Variants in FHIT observed in about 807,000 individuals in gnomAD.
The protein encoded by FHIT is fragile histidine triad diadenosine triphosphatase, also known as bis(5'-adenosyl)-triphosphatase.
In FHIT, 19 loss-of-function variants were observed where a neutral mutation model predicts 17.9. The ratio of observed to expected loss-of-function variants is 1.06; its 90% CI spans 0.74 to 1.56. The LOEUF (loss-of-function observed/expected upper bound fraction) is 1.56, where lower values mean the gene tolerates loss of function less well. FHIT is among the 40% of genes most tolerant of loss of function. FHIT has a pLI of 0.00. For missense variants in FHIT, 248 were observed against 189.2 expected (o/e 1.31, Z -1.82); for synonymous variants, 81 against 69.7 (o/e 1.16, Z -0.81).
intron 7 of FHIT, among the ~76,000 whole-genome samples, chr3:60,002,255 T>C (rs1424623664): frequency 6.6e-6 from 1 of 152,166 alleles, no homozygotes; most frequent in Non-Finnish European, 1.5e-5. Flanking sequence ...TTATGTTGAA[T>C]AAGCCTAGAA....
chr3:60,744,246 T>TAA (rs368982395), intron 4 of FHIT, among the ~76,000 whole-genome samples: 6,753 of 27,990 alleles, frequency 0.24, 333 homozygotes, highest in Non-Finnish European at 0.28. Context: ...GGAAGTAATG[T>TAA]AAAAAAAAAA....
chr3:59,805,447 G>A (rs957082083), intron 8 of FHIT, among the ~76,000 whole-genome samples: 4 of 152,094 alleles, frequency 2.6e-5, no homozygotes, highest in East Asian at 1.9e-4. Context: ...TTGTCCTTGC[G>A]GCAGGTTAGA....
intron 5 of FHIT, among the ~76,000 whole-genome samples, chr3:60,224,407 T>C (rs1466487703): frequency 6.6e-6 from 1 of 152,198 alleles, no homozygotes; most frequent in Non-Finnish European, 1.5e-5. Context: ...GTGAAAAGAA[T>C]TCAAGAAGGG....
chr3:60,954,403 T>TA (rs1339891351), intron 3 of FHIT, among the ~76,000 whole-genome samples: 1 of 152,206 alleles, frequency 6.6e-6, no homozygotes, highest in Non-Finnish European at 1.5e-5. Flanking sequence ...GATGTTATCT[T>TA]AAAAATAATG....
At chr3:60,446,522 C>T (rs1287356969) in intron 5 of FHIT, among the ~76,000 whole-genome samples, 2 of 152,054 alleles carry the variant, frequency 1.3e-5, no homozygotes, top group Admixed American at 6.6e-5. Context: ...ACCTGTCATT[C>T]GTGGATGTGC....
intron 4 of FHIT, among the ~76,000 whole-genome samples, chr3:60,811,421 A>ATC (rs1701568364): frequency 6.6e-6 from 1 of 152,186 alleles, no homozygotes; most frequent in Non-Finnish European, 1.5e-5. Flanking sequence ...AAGAATATGA[A>ATC]ACTACTGTTT....
chr3:60,119,922 C>A (rs1041812853), intron 5 of FHIT, among the ~76,000 whole-genome samples: 2 of 152,138 alleles, frequency 1.3e-5, no homozygotes, highest in African/African-American at 4.8e-5. Context: ...CAAATACCAT[C>A]AAATGGCATT....
At chr3:60,849,824 C>G (rs1553747725) in intron 3 of FHIT, among the ~76,000 whole-genome samples, 1 of 151,908 alleles carries the variant, frequency 6.6e-6, no homozygotes, top group East Asian at 1.9e-4. Flanking sequence ...GGAGCAATTC[C>G]TAATGTAATT....
At chr3:60,634,853 C>T (rs1386487899) in intron 4 of FHIT, among the ~76,000 whole-genome samples, 1 of 152,156 alleles carries the variant, frequency 6.6e-6, no homozygotes, top group Admixed American at 6.5e-5. Context: ...CTTTTGCATT[C>T]CCATGTGGAA....
chr3:60,639,033 G>A (rs1012107801), intron 4 of FHIT, among the ~76,000 whole-genome samples: 10 of 146,042 alleles, frequency 6.8e-5, no homozygotes, highest in Non-Finnish European at 1.3e-4. Context: ...CTGTTCAAAA[G>A]CATCAGAGCA....
intron 3 of FHIT, among the ~76,000 whole-genome samples, chr3:60,994,522 T>C (rs984308337): frequency 1.3e-5 from 2 of 152,216 alleles, no homozygotes; most frequent in Non-Finnish European, 2.9e-5. Context: ...GAATTCTGCC[T>C]CTAACCTCAG....
At chr3:61,125,324 T>G (rs2036577031) in intron 2 of FHIT, among the ~76,000 whole-genome samples, 1 of 152,212 alleles carries the variant, frequency 6.6e-6, no homozygotes, top group African/African-American at 2.4e-5. Context: ...CTACCTTATG[T>G]TAGGCATATG....
At chr3:61,085,411 T>C (rs937438509) in intron 2 of FHIT, among the ~76,000 whole-genome samples, 2 of 152,168 alleles carry the variant, frequency 1.3e-5, no homozygotes, top group African/African-American at 4.8e-5. Flanking sequence ...AATTTGCATT[T>C]TCCTGGTGAT....
intron 5 of FHIT, among the ~76,000 whole-genome samples, chr3:60,532,480 G>A (rs1458436043): frequency 1.3e-5 from 2 of 152,154 alleles, no homozygotes; most frequent in Non-Finnish European, 2.9e-5. Context: ...AACAATAGCT[G>A]GGCTGCACTG....
intron 4 of FHIT, among the ~76,000 whole-genome samples, chr3:60,538,581 A>G (rs2036070795): frequency 6.6e-6 from 1 of 152,170 alleles, no homozygotes; most frequent in South Asian, 2.1e-4. Flanking sequence ...TGGTACTGGT[A>G]CCAAAACAGA....
At chr3:60,075,215 G>A (rs1367866898) in intron 5 of FHIT, among the ~76,000 whole-genome samples, 3 of 152,064 alleles carry the variant, frequency 2.0e-5, no homozygotes, top group Non-Finnish European at 4.4e-5. Context: ...TGCCTGTCAG[G>A]AGAACCAATG....
chr3:59,954,097 G>C (rs1341773249), intron 7 of FHIT, among the ~76,000 whole-genome samples: 9 of 152,142 alleles, frequency 5.9e-5, no homozygotes, highest in Non-Finnish European at 4.4e-5. Context: ...GAGAAGAGCA[G>C]GGAGAAAACC....
At chr3:60,839,210 A>C (rs1183604479) in intron 3 of FHIT, among the ~76,000 whole-genome samples, 3 of 152,154 alleles carry the variant, frequency 2.0e-5, no homozygotes, top group Non-Finnish European at 4.4e-5. Flanking sequence ...TTGCTACTAT[A>C]ACACTCTTTT....
chr3:60,129,887 AT>A (rs1386415915), intron 5 of FHIT, among the ~76,000 whole-genome samples: 8 of 152,128 alleles, frequency 5.3e-5, no homozygotes, highest in African/African-American at 9.7e-5. Context: ...TTAGATTTCC[AT>A]TCAAAAATCC....
Sources: allele counts gnomAD v4.1 joint callset (sites outside exome capture counted in the v4.1 genomes callset), GRCh38; gene constraint gnomAD v4.1.1; transcripts MANE v1.5; gene names NCBI Gene and HGNC (gene_info 2026-07-23, HGNC 2026-07-21).